The following ABCA1 variants were observed in gnomAD, a reference collection of about 807,000 sequenced individuals.
ABCA1 encodes ATP binding cassette subfamily A member 1.
In ABCA1, 133 loss-of-function variants were observed where a neutral mutation model predicts 262.5. That is an observed-to-expected ratio of 0.51 (90% CI 0.44 to 0.59). The LOEUF is 0.59. Among genes scored for constraint, ABCA1 ranks in the 20% least tolerant of loss-of-function variants. ABCA1 has a pLI of 0.00. For missense variants in ABCA1, 2,452 were observed against 2,777.5 expected (o/e 0.88, Z 2.63); for synonymous variants, 1,022 against 1,043.5 (o/e 0.98, Z 0.40).
At position 104,793,416 on chromosome 9, in the gene ABCA1, G is replaced by A; in HGVS notation, c.5507-116C>T. 5.0e-6 allele frequency: 7 copies of A among 1,387,868 alleles called. No homozygotes were observed. The South Asian group carries it at 6.1e-5, about 12-fold the overall frequency. 86.0% of individuals were successfully genotyped at this position (1,387,868 alleles called of 1,614,324 possible). On this transcript the variant is annotated intron_variant, in intron 40 of 49. Coordinates refer to ENST00000374736, the MANE Select transcript of ABCA1 (RefSeq NM_005502.4). ...ACCGATCTTCCAATAAACACAAATG[G>A]CTATCACCCATGACAAGGAAAAAAG...
At chr9:104,926,010 G>A (rs922651499) in intron 1 of ABCA1, among the ~76,000 whole-genome samples, 8 of 116,638 alleles carry the variant, frequency 6.9e-5, no homozygotes, top group African/African-American at 3.1e-4. Flanking sequence ...TCTAAACTAC[G>A]GCCGTTAAAA....
intron 2 of ABCA1, among the ~76,000 whole-genome samples, chr9:104,901,167 C>T (rs1314334639): frequency 6.6e-6 from 1 of 152,172 alleles, no homozygotes. Flanking sequence ...GCCCTTTCTT[C>T]TAACTTCAAG....
At chr9:104,828,265 T>C (rs772247376) in intron 15 of ABCA1, among the ~76,000 whole-genome samples, 13 of 152,142 alleles carry the variant, frequency 8.5e-5, no homozygotes, top group Non-Finnish European at 1.8e-4. Context: ...CAGTGATTGA[T>C]TGAGAGGGCT....
rs897984441 is a variant in ABCA1 at position 104,922,772 on chromosome 9, C to A, written c.-93+5163G>T. On this transcript the variant is annotated intron_variant, in intron 1 of 49. Coordinates refer to ENST00000374736, the MANE Select transcript of ABCA1 (RefSeq NM_005502.4). ...TGTCGCCCAGGTTGGAGTAAAGTGG[C>A]ACGATCTCGACTCAGTGCAACCTCC... is the stretch of plus-strand genomic sequence containing the variant. 1.6e-4 allele frequency among the ~76,000 whole-genome samples: 24 copies of A among 152,154 alleles called. 1 individual carries two copies. Among genetic ancestry groups the A allele is most frequent in the South Asian group, 1.0e-3 (5 of 4,832 alleles).
intron 2 of ABCA1, among the ~76,000 whole-genome samples, chr9:104,898,316 C>T (rs139518661): frequency 9.2e-5 from 14 of 151,984 alleles, no homozygotes; most frequent in Non-Finnish European, 1.5e-4. Flanking sequence ...TTTGGGAAGC[C>T]GAGGTAGGAG....
At position 104,843,564 on chromosome 9, in the gene ABCA1, G is replaced by A. The variant is rs541574401; in HGVS notation, c.813+1913C>T. 5.3e-5 allele frequency among the ~76,000 whole-genome samples: 8 copies of A among 152,306 alleles called. No individual in the cohort carries two copies. In the South Asian group the frequency reaches 1.2e-3, roughly 24 times the overall value. On this transcript the variant is annotated intron_variant, in intron 8 of 49. Coordinates refer to ENST00000374736, the MANE Select transcript of ABCA1 (RefSeq NM_005502.4). ...TTGTCAATTAACTCATTGGGTGACT[G>A]GAAAAGTTGCCTAACCTTTCTGAGC...
intron 44 of ABCA1, 105 bp from the exon 45 acceptor site, chr9:104,788,672 T>C: frequency 1.5e-6 from 2 of 1,344,502 alleles, no homozygotes; most frequent in East Asian, 2.3e-5. Context: ...ATTACAAAGA[T>C]ACCAATACAT....
intron 9 of ABCA1, among the ~76,000 whole-genome samples, chr9:104,840,071 C>T (rs1207772101): frequency 6.6e-6 from 1 of 152,198 alleles, no homozygotes; most frequent in Non-Finnish European, 1.5e-5. Flanking sequence ...TACTGTGCAC[C>T]TGAGATGTGC....
chr9:104,809,377 T>C, intron 30 of ABCA1, 89 bp downstream of exon 30: 2 of 1,222,174 alleles, frequency 1.6e-6, no homozygotes, highest in South Asian at 1.2e-5. Context: ...GCGGTCACAA[T>C]GTGGCATGCA....
Position 104,810,943 on chromosome 9 carries a change from G to A in ABCA1, c.4051-19C>T, listed in dbSNP as rs1831224880. The A allele has an allele frequency of 6.2e-7, 1 of 1,613,960 alleles. No individual in the cohort carries two copies. Among genetic ancestry groups the A allele is most frequent in the Non-Finnish European group, 8.5e-7 (1 of 1,180,010 alleles). ...AGACAATCTTTACCCAGGCAGTGGAGGGGGCAGGGGGACAGCAGGAAACGG... is the reference window on the plus strand; with the variant it reads ...AGACAATCTTTACCCAGGCAGTGGAAGGGGCAGGGGGACAGCAGGAAACGG... On this transcript the variant is annotated intron_variant, in intron 28 of 49. Coordinates refer to ENST00000374736, the MANE Select transcript of ABCA1 (RefSeq NM_005502.4).
rs757066784 is a variant in ABCA1 at position 104,824,566 on chromosome 9, A to C, written c.2555T>G (p.Ile852Ser). The stretch of plus-strand genomic sequence containing the variant: ...GCAAGGAAAATACCAGGGCCTGGGA[A>C]TTCCGTACTGGCCTGAAAGCAAAGC... Reference protein sequence around the residue: ...IEAVFPGQYGIPRPWYFPCTK... With the variant: ...IEAVFPGQYGSPRPWYFPCTK... Residue 852 changes from isoleucine to serine, a missense_variant, in exon 18 of 50, where the codon ATT (isoleucine) becomes AGT (serine). This residue lies in a region of ABCA1 where 1,032 missense variants were observed against 1,089.7 expected (regional missense o/e 0.95). Transcript: ENST00000374736. The C allele has an allele frequency of 1.2e-6, 2 of 1,613,756 alleles. No individual in the cohort carries two copies. The highest frequency in any genetic ancestry group is 2.2e-5 in the South Asian group (2 of 91,064).
chr9:104,882,270 C>A (rs79252500), intron 5 of ABCA1, among the ~76,000 whole-genome samples: 1 of 152,104 alleles, frequency 6.6e-6, no homozygotes, highest in Admixed American at 6.5e-5. Context: ...GAACCACCGG[C>A]GCATGATAAT....
intron 7 of ABCA1, 53 bp from the exon 8 acceptor site, chr9:104,845,622 T>C: frequency 8.0e-7 from 1 of 1,257,244 alleles, no homozygotes; most frequent in South Asian, 1.2e-5. Context: ...ACCTGAAATC[T>C]CTATTGGAAA....
intron 5 of ABCA1, among the ~76,000 whole-genome samples, chr9:104,875,385 C>T (rs1052736525): frequency 6.6e-6 from 1 of 151,126 alleles, no homozygotes; most frequent in African/African-American, 2.4e-5. Flanking sequence ...GCCTAACAAG[C>T]CAGATTCATG....
At chr9:104,825,396 G>A (rs1280404931) in intron 17 of ABCA1, among the ~76,000 whole-genome samples, 1 of 152,180 alleles carries the variant, frequency 6.6e-6, no homozygotes, top group Non-Finnish European at 1.5e-5. Context: ...AAAATTGCTG[G>A]TTATTATAGT....
At chr9:104,862,704 C>CAGGG (rs1416198882) in intron 5 of ABCA1, among the ~76,000 whole-genome samples, 1 of 17,842 alleles carries the variant, frequency 5.6e-5, no homozygotes, top group Admixed American at 3.5e-4. Context: ...CGGGCCGGCC[C>CAGGG]CCACCCCCAC....
At chr9:104,827,475 C>T (rs887670178) in intron 15 of ABCA1, among the ~76,000 whole-genome samples, 1 of 152,190 alleles carries the variant, frequency 6.6e-6, no homozygotes. Context: ...ACTGGTTTCT[C>T]CTTATATAAG....
intron 7 of ABCA1, among the ~76,000 whole-genome samples, chr9:104,848,506 TAG>T (rs1482625628): frequency 6.6e-6 from 1 of 151,464 alleles, no homozygotes; most frequent in Non-Finnish European, 1.5e-5. Context: ...TCCCAGCTAC[TAG>T]AGAGGCTGAG....
intron 34 of ABCA1, among the ~76,000 whole-genome samples, chr9:104,801,073 T>C (rs987202278): frequency 2.0e-5 from 3 of 147,172 alleles, no homozygotes; most frequent in African/African-American, 5.1e-5. Context: ...CACAGAGAAA[T>C]GAAGTGAGTA....
Sources: allele counts gnomAD v4.1 joint callset (sites outside exome capture counted in the v4.1 genomes callset), GRCh38; gene constraint gnomAD v4.1.1; regional missense constraint gnomAD v4.1.1; transcripts MANE v1.5; gene names NCBI Gene and HGNC (gene_info 2026-07-23, HGNC 2026-07-21).